The following KRT8 variants were observed in gnomAD, a reference collection of about 807,000 sequenced individuals.
KRT8 encodes keratin 8.
A neutral mutation model predicts 43.0 loss-of-function variants in KRT8; 24 were observed. The observed-to-expected ratio is 0.56, with a 90% CI of 0.40 to 0.78. The LOEUF is 0.78. Ranked by LOEUF, KRT8 falls within the 30% of genes least tolerant of loss-of-function variation. The probability of loss-of-function intolerance (pLI) is 0.00; values close to 1 mark genes in which losing one functional copy is unlikely to be tolerated. For missense variants in KRT8, 492 were observed against 638.4 expected (o/e 0.77, Z 2.47); for synonymous variants, 214 against 261.2 (o/e 0.82, Z 1.74).
chr12:52,914,395 A>G (rs1243888212), intron 2 of KRT8, among the ~76,000 whole-genome samples: 1 of 149,894 alleles, frequency 6.7e-6, no homozygotes, highest in Admixed American at 6.7e-5. Flanking sequence ...AAATTAGCAT[A>G]GTATGGTGGC....
chr12:52,922,078 G>A (rs1271499841), intron 2 of KRT8, among the ~76,000 whole-genome samples: 3 of 150,382 alleles, frequency 2.0e-5, no homozygotes, highest in Non-Finnish European at 4.4e-5. Flanking sequence ...CTACTTGGGA[G>A]GCTAAGCAAG....
exon 1 of KRT8, chr12:52,904,837 C>T: frequency 6.2e-7 from 1 of 1,612,580 alleles, no homozygotes; most frequent in Non-Finnish European, 8.5e-7. Context: ...CCGCCCAGGC[C>T]ACCGCGAAAG....
chr12:52,926,194 G>A (rs192270029), intron 2 of KRT8, among the ~76,000 whole-genome samples: 21 of 136,872 alleles, frequency 1.5e-4, no homozygotes, highest in African/African-American at 3.9e-4. Context: ...CCTCTCCAGT[G>A]CCCAGCCAGA....
intron 2 of KRT8, among the ~76,000 whole-genome samples, chr12:52,945,430 T>G (rs1475650286): frequency 6.6e-6 from 1 of 152,134 alleles, no homozygotes; most frequent in Non-Finnish European, 1.5e-5. Context: ...TCCTTACACC[T>G]CAGTTGCTGT....
chr12:52,937,359 C>T (rs1456679530), intron 2 of KRT8, among the ~76,000 whole-genome samples: 20 of 144,484 alleles, frequency 1.4e-4, no homozygotes, highest in South Asian at 4.4e-4. Flanking sequence ...GGCAACAGAA[C>T]AAGACTCGGT....
intron 2 of KRT8, among the ~76,000 whole-genome samples, chr12:52,943,420 G>A (rs1942297089): frequency 6.6e-6 from 1 of 152,056 alleles, no homozygotes; most frequent in Non-Finnish European, 1.5e-5. Flanking sequence ...CTCTCTCCTG[G>A]TCTCTTCCTG....
exon 6 of KRT8, chr12:52,898,865 T>G (rs144044115): frequency 8.1e-5 from 130 of 1,613,236 alleles, no homozygotes; most frequent in Non-Finnish European, 9.2e-5. Context: ...TCCACGCTGC[T>G]CGGCATCTGC....
At chr12:52,926,074 G>T (rs958421175) in intron 2 of KRT8, among the ~76,000 whole-genome samples, 1 of 152,052 alleles carries the variant, frequency 6.6e-6, no homozygotes, top group African/African-American at 2.4e-5. Flanking sequence ...AGAGTGGAAG[G>T]GGGTGACATA....
At chr12:52,919,371 A>G (rs1453295554) in intron 2 of KRT8, among the ~76,000 whole-genome samples, 1 of 152,052 alleles carries the variant, frequency 6.6e-6, no homozygotes, top group African/African-American at 2.4e-5. Context: ...GGTTCAAGCA[A>G]TTCTCCTGTC....
chr12:52,923,599 TA>T (rs1941930453), intron 2 of KRT8, among the ~76,000 whole-genome samples: 2 of 150,580 alleles, frequency 1.3e-5, no homozygotes, highest in African/African-American at 2.4e-5. Flanking sequence ...TTTGTATTTT[TA>T]GTAGAGACGG....
At position 52,902,221 on chromosome 12, in the gene KRT8, C is replaced by A. The variant is rs1202517041; in HGVS notation, c.325-149G>T. On this transcript the variant is annotated intron_variant, in intron 1 of 7. Coordinates refer to ENST00000692008, the Ensembl canonical transcript of KRT8. The stretch of plus-strand genomic sequence containing the variant: ...CTGGTTAGCTGTTCTGGAAAGATCA[C>A]CTATGACCAGGGGGAGAAAGCATGG... 5 of 641,692 alleles carry A rather than the reference C, an allele frequency of 7.8e-6. No individual in the cohort carries two copies. In the South Asian group the frequency reaches 8.9e-5, roughly 11 times the overall value. The allele number at this position is 641,692 out of a possible 1,614,324, so 39.7% of individuals were successfully genotyped here. A position where few individuals can be genotyped will look rare whatever the true frequency, so the allele number is the denominator to read the frequency against.
At position 52,926,486 on chromosome 12, in the gene KRT8, G is replaced by C. The variant is rs115369093; in HGVS notation, c.-46-21459C>G. 689 of 1,534,664 alleles carry C rather than the reference G, an allele frequency of 4.5e-4. 3 individuals carry two copies. The African/African-American group carries it at 8.5e-3, about 19-fold the overall frequency. On this transcript the variant is annotated intron_variant, in intron 2 of 6. Transcript: ENST00000546826. ...TTGCTGAATGAAAATCATGCATCAG[G>C]CACCTCCCCACAAAGCCTGCCCCAG...
rs539437989 is a variant in KRT8 at position 52,914,870 on chromosome 12, C to T, written c.-46-9843G>A. 9.2e-5 allele frequency among the ~76,000 whole-genome samples: 14 copies of T among 152,198 alleles called. No homozygotes were observed. In the South Asian group the frequency reaches 2.5e-3, roughly 27 times the overall value. The stretch of plus-strand genomic sequence containing the variant: ...GGCCATCTCCCTGCTGCAGGAAGGG[C>T]GACCACTAAGGGAGCACCTCTTTCC... On this transcript the variant is annotated intron_variant, in intron 2 of 6. Coordinates refer to the KRT8 transcript ENST00000546826.
At chr12:52,933,916 C>T (rs1190715872) in intron 2 of KRT8, among the ~76,000 whole-genome samples, 1 of 151,832 alleles carries the variant, frequency 6.6e-6, no homozygotes, top group Non-Finnish European at 1.5e-5. Flanking sequence ...TGAGCCACCT[C>T]GCCCAGGCTC....
chr12:52,928,091 G>T (rs566994767), intron 2 of KRT8, among the ~76,000 whole-genome samples: 1 of 152,308 alleles, frequency 6.6e-6, no homozygotes, highest in South Asian at 2.1e-4. Context: ...AGCGCTCTTG[G>T]CCTTTGTGCT....
chr12:52,933,429 G>T (rs567196256), intron 2 of KRT8, among the ~76,000 whole-genome samples: 86 of 152,166 alleles, frequency 5.7e-4, no homozygotes, highest in African/African-American at 1.8e-3. Flanking sequence ...GTATATGAAT[G>T]GAGAGATATA....
intron 2 of KRT8, among the ~76,000 whole-genome samples, chr12:52,925,894 G>A (rs753122394): frequency 2.0e-5 from 3 of 152,056 alleles, no homozygotes; most frequent in Non-Finnish European, 2.9e-5. Flanking sequence ...CCCCCTCAGG[G>A]CCCATTACTC....
chr12:52,930,707 T>C (rs1449342982), intron 2 of KRT8, among the ~76,000 whole-genome samples: 2 of 151,890 alleles, frequency 1.3e-5, no homozygotes, highest in East Asian at 3.9e-4. Flanking sequence ...ACTACAGGCA[T>C]GCACCACCAC....
chr12:52,904,370 G>T (rs569351642), intron 1 of KRT8, among the ~76,000 whole-genome samples: 1 of 152,138 alleles, frequency 6.6e-6, no homozygotes, highest in Non-Finnish European at 1.5e-5. Flanking sequence ...GGGGTGGTGG[G>T]AACTAGGCTG....
Sources: allele counts gnomAD v4.1 joint callset (sites outside exome capture counted in the v4.1 genomes callset), GRCh38; gene constraint gnomAD v4.1.1; transcripts MANE v1.5; gene names NCBI Gene and HGNC (gene_info 2026-07-23, HGNC 2026-07-21).